The following SATB2 variants were observed in gnomAD, a reference collection of about 807,000 sequenced individuals.
SATB2 encodes the protein SATB homeobox 2, also known as DNA-binding protein SATB2.
Under a neutral mutation model 73.4 loss-of-function variants are expected in SATB2, and 1 was observed. The ratio of observed to expected loss-of-function variants is 0.01; its 90% CI spans 0.00 to 0.06. The LOEUF (loss-of-function observed/expected upper bound fraction) is 0.06, where lower values mean the gene tolerates loss of function less well. Among genes scored for constraint, SATB2 ranks in the 10% least tolerant of loss-of-function variants. SATB2 has a pLI of 1.00. For synonymous variants in SATB2, 397 were observed against 367.0 expected (o/e 1.08, Z -0.93); for missense variants, 459 against 945.8 (o/e 0.49, Z 6.75).
intron 3 of SATB2, among the ~76,000 whole-genome samples, chr2:199,418,738 A>G (rs752332033): frequency 2.8e-4 from 43 of 152,346 alleles, no homozygotes; most frequent in Middle Eastern, 3.4e-3. Context: ...CATTACATAA[A>G]GCATCTAATA....
chr2:199,365,688 G>T (rs557075387), intron 6 of SATB2, among the ~76,000 whole-genome samples: 1 of 152,034 alleles, frequency 6.6e-6, no homozygotes, highest in Non-Finnish European at 1.5e-5. Context: ...AATTCCATTT[G>T]TATGTAGTTT....
intron 10 of SATB2, among the ~76,000 whole-genome samples, chr2:199,278,266 T>C (rs997075921): frequency 5.3e-5 from 8 of 152,122 alleles, no homozygotes; most frequent in East Asian, 1.9e-4. Flanking sequence ...CTTGGTACAA[T>C]TGCAAAACCG....
chr2:199,312,814 A>G (rs570010487), intron 9 of SATB2, among the ~76,000 whole-genome samples: 2 of 152,228 alleles, frequency 1.3e-5, no homozygotes, highest in Non-Finnish European at 2.9e-5. Flanking sequence ...TTACAACATC[A>G]TGTCTGAGGT....
chr2:199,408,896 C>T (rs1690720661), intron 3 of SATB2, among the ~76,000 whole-genome samples: 1 of 152,108 alleles, frequency 6.6e-6, no homozygotes, highest in African/African-American at 2.4e-5. Context: ...TCAAGCTCTA[C>T]CAGGGAAGTC....
chr2:199,345,711 A>G (rs1688631631), intron 7 of SATB2, among the ~76,000 whole-genome samples: 2 of 151,994 alleles, frequency 1.3e-5, no homozygotes, highest in Admixed American at 1.3e-4. Flanking sequence ...CTAGTTCAAA[A>G]CCTCTGTACA....
At chr2:199,392,995 C>T (rs1350334498) in intron 3 of SATB2, among the ~76,000 whole-genome samples, 2 of 152,070 alleles carry the variant, frequency 1.3e-5, no homozygotes, top group Non-Finnish European at 2.9e-5. Context: ...AGTCATCTGA[C>T]ATAGTCCAAA....
intron 10 of SATB2, among the ~76,000 whole-genome samples, chr2:199,276,253 T>C (rs941906779): frequency 2.6e-5 from 4 of 152,224 alleles, no homozygotes; most frequent in Non-Finnish European, 4.4e-5. Flanking sequence ...TCAAGTCATC[T>C]TTTCTTCACT....
intron 2 of SATB2, among the ~76,000 whole-genome samples, chr2:199,448,804 TC>T (rs1347798103): frequency 2.0e-5 from 3 of 152,182 alleles, no homozygotes; most frequent in Admixed American, 2.0e-4. Flanking sequence ...AATTTTTTGA[TC>T]TTTTTTGTTA....
At chr2:199,370,179 C>T (rs973850700) in intron 5 of SATB2, among the ~76,000 whole-genome samples, 1 of 152,092 alleles carries the variant, frequency 6.6e-6, no homozygotes, top group African/African-American at 2.4e-5. Flanking sequence ...AGCTAGCTCC[C>T]GCTCTGGCTG....
chr2:199,283,152 C>T (rs147964722), intron 10 of SATB2, among the ~76,000 whole-genome samples: 5,603 of 149,784 alleles, frequency 0.037, 133 homozygotes, highest in Middle Eastern at 0.08. Context: ...GGTGCGATCT[C>T]GGCTCACTGC....
At chr2:199,460,906 A>G (rs1376436168), upstream of SATB2, among the ~76,000 whole-genome samples, 1 of 152,240 alleles carries the variant, frequency 6.6e-6, no homozygotes, top group Non-Finnish European at 1.5e-5. This position sits in a 1 kb window ranked among gnomAD's most constrained non-coding sequence, Gnocchi z 4.0. Context: ...GTACAATTAA[A>G]TGTACATTGT....
chr2:199,386,774 G>A lies in SATB2; in HGVS notation c.347-4954C>T, dbSNP rs533470540. The stretch of plus-strand genomic sequence containing the variant: ...CACACACACACACACACACCTTTGA[G>A]TTCAGCCAGGAACATAGTAGATGCT... On this transcript the variant is annotated intron_variant, in intron 3 of 10. Coordinates refer to ENST00000417098, the MANE Select transcript of SATB2 (RefSeq NM_001172509.2). Among the ~76,000 whole-genome samples, 20 of 146,492 alleles carry A rather than the reference G, an allele frequency of 1.4e-4. No individual in the cohort carries two copies. In the South Asian group the frequency reaches 4.0e-3, roughly 29 times the overall value.
At chr2:199,339,429 C>T (rs1216052444) in intron 7 of SATB2, among the ~76,000 whole-genome samples, 2 of 152,156 alleles carry the variant, frequency 1.3e-5, no homozygotes, top group Non-Finnish European at 2.9e-5. Flanking sequence ...TCTCTTCCTA[C>T]TTTATTAATT....
upstream of SATB2, among the ~76,000 whole-genome samples, chr2:199,462,090 C>A (rs1316485902): frequency 6.6e-6 from 1 of 152,206 alleles, no homozygotes; most frequent in East Asian, 1.9e-4. This position sits in a 1 kb window ranked among gnomAD's most constrained non-coding sequence, Gnocchi z 5.9. Context: ...GTTCGGTCAC[C>A]CAGGCAGAGA....
chr2:199,428,099 A>G (rs1429252160), intron 3 of SATB2, among the ~76,000 whole-genome samples: 2 of 152,192 alleles, frequency 1.3e-5, no homozygotes, highest in Non-Finnish European at 2.9e-5. Flanking sequence ...TGTAAGTTTG[A>G]TAAGAAACTT....
At chr2:199,299,351 T>C (rs1398910796) in intron 10 of SATB2, among the ~76,000 whole-genome samples, 2 of 152,192 alleles carry the variant, frequency 1.3e-5, no homozygotes, top group African/African-American at 4.8e-5. Context: ...TTTGGTTTGA[T>C]ACCTTCAAAT....
At chr2:199,277,332 A>G (rs1327600407) in intron 10 of SATB2, among the ~76,000 whole-genome samples, 3 of 152,240 alleles carry the variant, frequency 2.0e-5, no homozygotes, top group African/African-American at 4.8e-5. Context: ...TATGCAAACT[A>G]TAACATATTT....
At chr2:199,362,597 A>G (rs1574547952) in intron 6 of SATB2, among the ~76,000 whole-genome samples, 1 of 152,146 alleles carries the variant, frequency 6.6e-6, no homozygotes, top group East Asian at 1.9e-4. Flanking sequence ...CTAAACATTT[A>G]GTTAAAATTA....
chr2:199,272,023 T>G lies in SATB2; in HGVS notation c.*188A>C. ...GGAAATACTGAACTTATTCAGTCTA[T>G]AGGTGTATCCTGTGCAACAAAGAAA... On this transcript the variant is annotated 3_prime_UTR_variant, in exon 11 of 11. Transcript: ENST00000417098. The surrounding 1 kb of genome is among the most constrained non-coding windows in gnomAD (Gnocchi z 6.7). 1.5e-6 allele frequency: 1 copy of G among 648,414 alleles called. No individual in the cohort carries two copies. Among genetic ancestry groups the G allele is most frequent in the Non-Finnish European group, 2.7e-6 (1 of 367,456 alleles). The allele number at this position is 648,414 out of a possible 1,614,324, so 40.2% of individuals were successfully genotyped here.
Sources: gnomAD v4.1 joint callset for allele counts (sites outside exome capture counted in the v4.1 genomes callset) on GRCh38, gnomAD v4.1.1 for gene constraint, Gnocchi (gnomAD v3.1) non-coding constraint, MANE v1.5 for transcripts, NCBI Gene and HGNC (gene_info 2026-07-23, HGNC 2026-07-21) for gene names.